Variants in PDGFD observed in about 807,000 individuals in gnomAD.
The protein encoded by PDGFD is platelet derived growth factor D.
PDGFD carries 30 observed loss-of-function variants against 44.7 expected under a neutral mutation model. The ratio of observed to expected loss-of-function variants is 0.67; its 90% CI spans 0.50 to 0.91. PDGFD has a LOEUF of 0.91. PDGFD is among the 40% of genes least tolerant of loss of function. The pLI is 0.00. For synonymous variants in PDGFD, 173 were observed against 168.4 expected, an observed-to-expected ratio of 1.03 and a Z score of -0.21; for missense variants, 445 against 457.8, an observed-to-expected ratio of 0.97 and a Z score of 0.25.
chr11:104,130,096 A>G (rs1861898470), intron 1 of PDGFD, among the ~76,000 whole-genome samples: 1 of 152,096 alleles, frequency 6.6e-6, no homozygotes, highest in African/African-American at 2.4e-5. Flanking sequence ...ATAGAGAATA[A>G]GAAAGTGGAG....
chr11:104,025,667 C>T (rs1417284804), intron 1 of PDGFD, among the ~76,000 whole-genome samples: 3 of 152,116 alleles, frequency 2.0e-5, no homozygotes, highest in Non-Finnish European at 4.4e-5. Context: ...GCAAATCTCC[C>T]AAGGGCAGAG....
At chr11:104,025,407 A>C (rs1185206771) in intron 1 of PDGFD, among the ~76,000 whole-genome samples, 2 of 152,242 alleles carry the variant, frequency 1.3e-5, no homozygotes, top group Non-Finnish European at 2.9e-5. Context: ...TTACTTGAGA[A>C]AAACAAACAC....
intron 6 of PDGFD, among the ~76,000 whole-genome samples, chr11:103,922,124 G>T (rs190007069): frequency 1.3e-5 from 2 of 152,030 alleles, no homozygotes; most frequent in African/African-American, 4.8e-5. Context: ...TTTGGCTGTT[G>T]ACTAAATGGA....
At chr11:104,002,483 T>C (rs1859634995) in intron 1 of PDGFD, among the ~76,000 whole-genome samples, 1 of 152,220 alleles carries the variant, frequency 6.6e-6, no homozygotes, top group African/African-American at 2.4e-5. Context: ...CCTTCTGCTA[T>C]GATTGTAAGT....
chr11:104,095,796 C>A (rs963811354), intron 1 of PDGFD, among the ~76,000 whole-genome samples: 1 of 152,104 alleles, frequency 6.6e-6, no homozygotes, highest in African/African-American at 2.4e-5. Flanking sequence ...ATATACAGCT[C>A]CAATCCTGAG....
At chr11:103,996,335 G>A in intron 2 of PDGFD, 90 bp from the exon 3 acceptor site, 1 of 1,088,358 alleles carries the variant, frequency 9.2e-7, no homozygotes, top group South Asian at 1.4e-5. Flanking sequence ...TAGCATATAT[G>A]ATTTGTCATG....
At chr11:104,109,854 G>A (rs1861526801) in intron 1 of PDGFD, among the ~76,000 whole-genome samples, 1 of 152,168 alleles carries the variant, frequency 6.6e-6, no homozygotes, top group East Asian at 1.9e-4. Context: ...TTAATAGAGT[G>A]TGCTCTGGAT....
chr11:104,072,409 T>C (rs1188382925), intron 1 of PDGFD, among the ~76,000 whole-genome samples: 2 of 151,896 alleles, frequency 1.3e-5, no homozygotes, highest in African/African-American at 4.8e-5. Context: ...TAATAAGATA[T>C]TATTTTATGG....
At chr11:103,996,750 G>A (rs903938116) in intron 2 of PDGFD, among the ~76,000 whole-genome samples, 3 of 152,050 alleles carry the variant, frequency 2.0e-5, no homozygotes, top group East Asian at 1.9e-4. Context: ...GAATACACAC[G>A]ACTTGCTATA....
Position 104,101,061 on chromosome 11 carries a change from G to T in PDGFD, c.124+62743C>A, listed in dbSNP as rs189841135. ...TGGCACAAGACAGGGATGCCCTCTCGCACCACTCCTATTCAACATAGTGTT... is the reference window on the plus strand; with the variant it reads ...TGGCACAAGACAGGGATGCCCTCTCTCACCACTCCTATTCAACATAGTGTT... On this transcript the variant is annotated intron_variant, in intron 1 of 6. Coordinates refer to ENST00000393158, the MANE Select transcript of PDGFD (RefSeq NM_025208.5). Among the ~76,000 whole-genome samples, 904 of 152,092 alleles carry T rather than the reference G, an allele frequency of 5.9e-3. 9 individuals are homozygous for T. The highest frequency in any genetic ancestry group is 0.02 in the African/African-American group (823 of 41,506).
At chr11:104,101,420 G>A (rs1036339446) in intron 1 of PDGFD, among the ~76,000 whole-genome samples, 2 of 152,002 alleles carry the variant, frequency 1.3e-5, no homozygotes, top group Non-Finnish European at 1.5e-5. Context: ...TCTTCAAGGG[G>A]AACTACAAAC....
At chr11:104,028,185 G>A (rs1479639097) in intron 1 of PDGFD, among the ~76,000 whole-genome samples, 3 of 90,122 alleles carry the variant, frequency 3.3e-5, no homozygotes, top group Non-Finnish European at 4.4e-5. Flanking sequence ...GCGAGACTCC[G>A]TCAAAGAAAA....
intron 1 of PDGFD, among the ~76,000 whole-genome samples, chr11:104,034,485 C>T (rs1860184890): frequency 6.6e-6 from 1 of 152,142 alleles, no homozygotes; most frequent in South Asian, 2.1e-4. Context: ...TGACTTCCTT[C>T]TCTCCATAAT....
intron 1 of PDGFD, among the ~76,000 whole-genome samples, chr11:104,132,039 T>C (rs1861931215): frequency 6.6e-6 from 1 of 151,780 alleles, no homozygotes; most frequent in African/African-American, 2.4e-5. Context: ...AATCTTGAGA[T>C]TTACGTACCT....
chr11:104,119,354 A>G lies in PDGFD; in HGVS notation c.124+44450T>C, dbSNP rs865787448. Among the ~76,000 whole-genome samples the G allele has an allele frequency of 3.7e-4, 18 of 48,818 alleles. 2 individuals are homozygous for G. The highest frequency in any genetic ancestry group is 2.2e-3 in the East Asian group (3 of 1,366). 32.0% of individuals were successfully genotyped at this position (48,818 alleles called of 152,430 possible). ...TATATAATATATTGATATAATATAT[A>G]ATATATTGATATAATATATTGATAT... On this transcript the variant is annotated intron_variant, in intron 1 of 6. Transcript: ENST00000393158.
intron 1 of PDGFD, among the ~76,000 whole-genome samples, chr11:104,127,595 A>C (rs10895577): frequency 0.13 from 19,841 of 152,136 alleles, 1,423 homozygotes; most frequent in East Asian, 0.29. Flanking sequence ...TCCTGATTCA[A>C]TGCATACAAG....
chr11:104,042,306 C>T (rs149941051), intron 1 of PDGFD, among the ~76,000 whole-genome samples: 1 of 152,160 alleles, frequency 6.6e-6, no homozygotes, highest in African/African-American at 2.4e-5. Flanking sequence ...CTTTTGAATC[C>T]CAGCTTCTTT....
At chr11:103,956,760 G>C (rs10895550) in intron 3 of PDGFD, among the ~76,000 whole-genome samples, 2 of 152,028 alleles carry the variant, frequency 1.3e-5, no homozygotes, top group South Asian at 4.2e-4. Flanking sequence ...CATTCTAACT[G>C]GCGTGAGATG....
At chr11:103,958,187 T>C (rs1054892878) in intron 3 of PDGFD, among the ~76,000 whole-genome samples, 61 of 152,288 alleles carry the variant, frequency 4.0e-4, no homozygotes, top group African/African-American at 1.5e-3. Context: ...CTTTAAAAGA[T>C]GAGGAAGCAG....
Sources: gnomAD v4.1 joint callset for allele counts (sites outside exome capture counted in the v4.1 genomes callset) on GRCh38, gnomAD v4.1.1 for gene constraint, MANE v1.5 for transcripts, NCBI Gene and HGNC (gene_info 2026-07-23, HGNC 2026-07-21) for gene names.